KCNC2: variants seen among roughly 807,000 people sequenced by gnomAD.
KCNC2 encodes the protein potassium voltage-gated channel subfamily C member 2.
A neutral mutation model predicts 44.5 loss-of-function variants in KCNC2; 21 were observed. The observed-to-expected ratio is 0.47, with a 90% CI of 0.33 to 0.68. KCNC2 has a LOEUF of 0.68. Ranked by LOEUF, KCNC2 falls within the 30% of genes least tolerant of loss-of-function variation. KCNC2 has a pLI of 0.01. For synonymous variants in KCNC2, 391 were observed against 339.1 expected, an observed-to-expected ratio of 1.15 and a Z score of -1.68; for missense variants, 589 against 826.2, an observed-to-expected ratio of 0.71 and a Z score of 3.52.
At chr12:75,091,428 G>A (rs940542457) in intron 2 of KCNC2, among the ~76,000 whole-genome samples, 1 of 151,626 alleles carries the variant, frequency 6.6e-6, no homozygotes, top group African/African-American at 2.4e-5. Context: ...AGCCTGTACT[G>A]GCAAGTCAAT....
intron 2 of KCNC2, among the ~76,000 whole-genome samples, chr12:75,112,446 T>C (rs1360833298): frequency 6.6e-6 from 1 of 152,080 alleles, no homozygotes; most frequent in East Asian, 1.9e-4. Context: ...TTTCCCTGCC[T>C]CTGTGTGTTA....
At chr12:75,093,226 ATTAAAT>A (rs1348772489) in intron 2 of KCNC2, among the ~76,000 whole-genome samples, 1 of 151,652 alleles carries the variant, frequency 6.6e-6, no homozygotes, top group African/African-American at 2.4e-5. Flanking sequence ...CATAAAGTAG[ATTAAAT>A]TTAGGAACAT....
chr12:75,201,732 C>G (rs143804850), intron 2 of KCNC2, among the ~76,000 whole-genome samples: 1 of 151,742 alleles, frequency 6.6e-6, no homozygotes, highest in Admixed American at 6.6e-5. Flanking sequence ...TCAACCTGCA[C>G]GGAAGGCAAA....
chr12:75,084,096 G>A (rs1004731812), intron 2 of KCNC2, among the ~76,000 whole-genome samples: 3 of 151,866 alleles, frequency 2.0e-5, no homozygotes, highest in African/African-American at 7.2e-5. Flanking sequence ...CTTCAAGTGT[G>A]TTCAAAAAGA....
chr12:75,091,937 T>C (rs1885516152), intron 2 of KCNC2, among the ~76,000 whole-genome samples: 1 of 151,716 alleles, frequency 6.6e-6, no homozygotes, highest in Admixed American at 6.6e-5. Flanking sequence ...TACTCAATTA[T>C]GGTAATTAGT....
intron 2 of KCNC2, among the ~76,000 whole-genome samples, chr12:75,076,358 C>G (rs1323603970): frequency 6.6e-6 from 1 of 151,956 alleles, no homozygotes; most frequent in Non-Finnish European, 1.5e-5. Flanking sequence ...CTGCAAGCTC[C>G]GCCTCGCGGG....
chr12:75,042,925 C>A lies in KCNC2; in HGVS notation c.*180G>T. ...GCACTACTTTAGACAATCTTTAAAGCCTGGGTAAGATTCATTAGCTACCCA... is the reference window on the plus strand; with the variant it reads ...GCACTACTTTAGACAATCTTTAAAGACTGGGTAAGATTCATTAGCTACCCA... On this transcript the variant is annotated 3_prime_UTR_variant, in exon 5 of 5. Transcript: ENST00000549446. 7.2e-7 allele frequency: 1 copy of A among 1,396,690 alleles called. No homozygotes were observed. The highest frequency in any genetic ancestry group is 1.7e-5 in the South Asian group (1 of 59,214). 86.5% of individuals were successfully genotyped at this position (1,396,690 alleles called of 1,614,324 possible). A position where few individuals can be genotyped will look rare whatever the true frequency, so the allele number is the denominator to read the frequency against.
chr12:75,055,236 A>G (rs535053345), intron 2 of KCNC2, among the ~76,000 whole-genome samples: 9 of 152,306 alleles, frequency 5.9e-5, no homozygotes, highest in African/African-American at 2.2e-4. Flanking sequence ...TGAGGAAATG[A>G]ATAAGATAGA....
In KCNC2 at chr12:75,130,785, A is replaced by AT. The variant is rs201866703; in HGVS notation, c.687+76511_687+76512insA. ...TTGTGAAAGGACTCCTAGTAATAAA[A>AT]AAAAAAAAAAACAATGCACATGGGC... On this transcript the variant is annotated intron_variant, in intron 2 of 4. Coordinates refer to ENST00000549446, the MANE Select transcript of KCNC2 (RefSeq NM_139137.4). 1.0e-2 allele frequency among the ~76,000 whole-genome samples: 1,511 copies of AT among 151,750 alleles called. 20 individuals carry two copies. Among genetic ancestry groups the AT allele is most frequent in the African/African-American group, 0.035 (1,435 of 41,180 alleles).
At chr12:75,043,519 T>G (rs906147021) in intron 4 of KCNC2, 8 of 1,240,606 alleles carry the variant, frequency 6.4e-6, no homozygotes, top group Non-Finnish European at 6.2e-6. Flanking sequence ...TTTTGGCATA[T>G]AGAATACTAG....
chr12:75,137,026 C>T (rs541969924), intron 2 of KCNC2, among the ~76,000 whole-genome samples: 11 of 152,146 alleles, frequency 7.2e-5, no homozygotes, highest in Non-Finnish European at 1.5e-4. Context: ...CTTCCCAACT[C>T]TTCTTCAACT....
chr12:75,155,667 A>G (rs917376935), intron 2 of KCNC2, among the ~76,000 whole-genome samples: 2 of 151,644 alleles, frequency 1.3e-5, no homozygotes, highest in South Asian at 2.1e-4. Context: ...TGTTAAGTCT[A>G]CAGGTGGCCC....
At chr12:75,193,202 T>A (rs763686169) in intron 2 of KCNC2, among the ~76,000 whole-genome samples, 5 of 152,140 alleles carry the variant, frequency 3.3e-5, no homozygotes, top group African/African-American at 1.2e-4. Flanking sequence ...TATCTTCTTA[T>A]CCAAATTTTA....
intron 2 of KCNC2, among the ~76,000 whole-genome samples, chr12:75,189,825 G>A (rs989445403): frequency 2.6e-5 from 4 of 152,128 alleles, no homozygotes; most frequent in East Asian, 1.9e-4. Flanking sequence ...TGTCAGCTGC[G>A]CTCTGCAACT....
intron 1 of KCNC2, 100 bp downstream of exon 1, chr12:75,209,107 A>G (rs1593107235): frequency 6.6e-6 from 1 of 152,242 alleles, no homozygotes; most frequent in African/African-American, 2.4e-5. Context: ...CTACATTCCT[A>G]TTGCGGAAAG....
intron 1 of KCNC2, among the ~76,000 whole-genome samples, chr12:75,208,907 C>G (rs898324318): frequency 1.3e-5 from 2 of 152,124 alleles, no homozygotes; most frequent in East Asian, 3.9e-4. Flanking sequence ...ATCAATGCAT[C>G]CCACCCATCC....
At chr12:75,096,405 T>C (rs1013477515) in intron 2 of KCNC2, among the ~76,000 whole-genome samples, 2 of 152,066 alleles carry the variant, frequency 1.3e-5, no homozygotes, top group African/African-American at 4.8e-5. Context: ...ATAGCATTTA[T>C]CTTCCTTCTT....
intron 2 of KCNC2, among the ~76,000 whole-genome samples, chr12:75,054,569 AT>A (rs1881536786): frequency 6.6e-6 from 1 of 152,172 alleles, no homozygotes; most frequent in Non-Finnish European, 1.5e-5. Flanking sequence ...GCAAAAGGCT[AT>A]TTTATAAAAT....
intron 2 of KCNC2, among the ~76,000 whole-genome samples, chr12:75,153,475 G>GTCAAA (rs1890546982): frequency 6.6e-6 from 1 of 151,842 alleles, no homozygotes; most frequent in African/African-American, 2.4e-5. Flanking sequence ...AAGGGTGGGA[G>GTCAAA]GGTGAGAAGG....
Sources: gnomAD v4.1 joint callset for allele counts (sites outside exome capture counted in the v4.1 genomes callset) on GRCh38, gnomAD v4.1.1 for gene constraint, MANE v1.5 for transcripts, NCBI Gene and HGNC (gene_info 2026-07-23, HGNC 2026-07-21) for gene names.